The following PCDHA2 variants were observed in gnomAD, a reference collection of about 807,000 sequenced individuals.
PCDHA2 encodes the protein protocadherin alpha 2.
In PCDHA2, 58 loss-of-function variants were observed where a neutral mutation model predicts 66.0. The observed-to-expected ratio is 0.88, with a 90% CI of 0.71 to 1.09. The LOEUF (loss-of-function observed/expected upper bound fraction) is 1.09. PCDHA2 is among the 50% of genes least tolerant of loss of function. The pLI, the probability that PCDHA2 is intolerant of heterozygous loss-of-function variation, is 0.00. For missense variants in PCDHA2, 1,267 were observed against 1,242.3 expected, an observed-to-expected ratio of 1.02 and a Z score of -0.30; for synonymous variants, 634 against 554.0, an observed-to-expected ratio of 1.14 and a Z score of -2.03.
rs183230708 is a variant in PCDHA2, at chr5:140,914,004, A to G, written c.2389-64945A>G. Among the ~76,000 whole-genome samples, 112 of 152,288 alleles carry G rather than the reference A, an allele frequency of 7.4e-4. 1 individual carries two copies. Among genetic ancestry groups the G allele is most frequent in the Middle Eastern group, 6.8e-3 (2 of 294 alleles). On this transcript the variant is annotated intron_variant, in intron 1 of 3. Coordinates refer to ENST00000526136, the MANE Select transcript of PCDHA2 (RefSeq NM_018905.3). ...TTGTATTGTGACTAGCATATGGTCT[A>G]TCTTTGAGAATGATCCACGTGCTGA...
intron 1 of PCDHA2, chr5:140,966,281 G>C (rs1261464121): frequency 8.2e-5 from 30 of 366,710 alleles, no homozygotes; most frequent in Non-Finnish European, 1.3e-4. Flanking sequence ...TGGACAGTGG[G>C]GGTAGGGAGA....
At chr5:140,837,494 T>C (rs2150275990) in intron 1 of PCDHA2, among the ~76,000 whole-genome samples, 2,176 of 141,154 alleles carry the variant, frequency 0.015, 60 homozygotes, top group African/African-American at 0.056. Flanking sequence ...ACTTTACCTT[T>C]CTGAATTTCT....
Position 140,797,236 on chromosome 5 carries a change from G to C in PCDHA2, c.2272G>C (p.Val758Leu). The change falls in exon 1 of 4, where the codon GTG becomes CTG. Residue 758 changes from valine (V) to leucine (L), a missense_variant. Transcript: ENST00000526136. ...TTACTCGCAGCAGAGGCGGCAGAGG[G>C]TGTGCTCTGGGGAGGACCCCCCCAA... ...WSYSQQRRQR[V>L]CSGEDPPKTD... is the part of the protein sequence containing the mutation. 1 of 1,614,194 alleles carries C rather than the reference G, an allele frequency of 6.2e-7. No homozygotes were observed. The highest frequency in any genetic ancestry group is 8.5e-7 in the Non-Finnish European group (1 of 1,180,054).
At chr5:140,836,535 T>C (rs2150263194) in intron 1 of PCDHA2, 26 of 1,613,710 alleles carry the variant, frequency 1.6e-5, no homozygotes, top group Non-Finnish European at 2.0e-5. Context: ...CCTGCTGCTG[T>C]ACACGGCGTT....
rs782163731 is a variant in PCDHA2, at chr5:140,869,573, C to A, written c.2388+72221C>A. 8 of 1,614,154 alleles carry A rather than the reference C, an allele frequency of 5.0e-6. No homozygotes were observed. In the East Asian group the frequency reaches 1.8e-4, roughly 36 times the overall value. ...GACTCGCGTTTTCCACTAGAGGGAG[C>A]TTCTGATGCTGACATTGAAGAGAAT... On this transcript the variant is annotated intron_variant, in intron 1 of 3. Coordinates refer to ENST00000526136, the MANE Select transcript of PCDHA2 (RefSeq NM_018905.3).
chr5:140,888,640 A>G (rs2153424746), intron 1 of PCDHA2, among the ~76,000 whole-genome samples: 1 of 152,282 alleles, frequency 6.6e-6, no homozygotes, highest in East Asian at 1.9e-4. Context: ...TTACAGCAAT[A>G]CTTTCCTGAG....
intron 1 of PCDHA2, chr5:140,865,984 C>CT (rs1421738889): frequency 1.3e-5 from 2 of 152,088 alleles, no homozygotes; most frequent in Non-Finnish European, 2.9e-5. Context: ...TGAGATGGCA[C>CT]TAAGTTTTTT....
intron 1 of PCDHA2, chr5:140,807,982 C>A (rs1226145828): frequency 6.2e-7 from 1 of 1,613,314 alleles, no homozygotes; most frequent in Non-Finnish European, 8.5e-7. Context: ...TTAAACTTAA[C>A]GCCTCAGATT....
At chr5:140,976,794 A>T (rs1199342082) in intron 1 of PCDHA2, among the ~76,000 whole-genome samples, 1 of 152,230 alleles carries the variant, frequency 6.6e-6, no homozygotes, top group East Asian at 1.9e-4. Context: ...CTACGCTTTT[A>T]TGAATATCTG....
Position 140,920,446 on chromosome 5 carries a change from A to G in PCDHA2, c.2389-58503A>G, listed in dbSNP as rs2079636964. 2.6e-5 allele frequency among the ~76,000 whole-genome samples: 4 copies of G among 152,114 alleles called. No homozygotes were observed. In the South Asian group the frequency reaches 8.3e-4, roughly 31 times the overall value. On this transcript the variant is annotated intron_variant, in intron 1 of 3. Coordinates refer to ENST00000526136, the MANE Select transcript of PCDHA2 (RefSeq NM_018905.3). ...CTCCCACACACCTCTTTTATACTGT[A>G]ATTGACAAATTTGTTATATTTCTGT...
intron 1 of PCDHA2, among the ~76,000 whole-genome samples, chr5:140,935,416 A>G (rs35902736): frequency 0.059 from 8,919 of 152,326 alleles, 374 homozygotes; most frequent in Non-Finnish European, 0.083. Context: ...ATGGACTTAG[A>G]AAACAATTTC....
intron 1 of PCDHA2, among the ~76,000 whole-genome samples, chr5:140,893,814 T>C (rs1254433414): frequency 6.6e-6 from 1 of 152,204 alleles, no homozygotes; most frequent in Non-Finnish European, 1.5e-5. Flanking sequence ...TTGAGTCTGG[T>C]ACCGTAGACT....
intron 1 of PCDHA2, among the ~76,000 whole-genome samples, chr5:140,931,490 C>T (rs1209591038): frequency 6.6e-6 from 1 of 151,888 alleles, no homozygotes; most frequent in Non-Finnish European, 1.5e-5. Flanking sequence ...ACCCTTCAAA[C>T]CAAATTTTTA....
intron 1 of PCDHA2, among the ~76,000 whole-genome samples, chr5:140,938,703 T>A: frequency 6.6e-6 from 1 of 152,170 alleles, no homozygotes; most frequent in East Asian, 1.9e-4. Flanking sequence ...AAATATATGT[T>A]TATGATAGAA....
chr5:140,830,363 GT>G, intron 1 of PCDHA2: 1 of 1,614,138 alleles, frequency 6.2e-7, no homozygotes, highest in Non-Finnish European at 8.5e-7. Context: ...GCGGCAGAGG[GT>G]GTGCTCCGGG....
chr5:140,918,282 C>G (rs2078612020), intron 1 of PCDHA2, among the ~76,000 whole-genome samples: 1 of 152,016 alleles, frequency 6.6e-6, no homozygotes, highest in Non-Finnish European at 1.5e-5. Flanking sequence ...GATGTAGGAG[C>G]TTTTTGGCAG....
rs34213614 is a variant in PCDHA2 at position 140,896,536 on chromosome 5, C to CTT, written c.2389-82402_2389-82401dup. ...CACACCACAAAGCCCAGCTATTTTT[C>CTT]TTTTTTTTTTTTGTATTTTAAGTAG... On this transcript the variant is annotated intron_variant, in intron 1 of 3. Coordinates refer to ENST00000526136, the MANE Select transcript of PCDHA2 (RefSeq NM_018905.3). 2.9e-3 allele frequency among the ~76,000 whole-genome samples: 427 copies of CTT among 145,644 alleles called. 4 individuals are homozygous for CTT. Among genetic ancestry groups the CTT allele is most frequent in the African/African-American group, 7.7e-3 (305 of 39,602 alleles).
chr5:140,967,084 T>G (rs782593106), intron 1 of PCDHA2: 1 of 1,613,270 alleles, frequency 6.2e-7, no homozygotes, highest in Admixed American at 1.7e-5. Context: ...AGCGCATTGA[T>G]CGGGAGGCGC....
chr5:141,010,470 G>A lies in PCDHA2; in HGVS notation c.*533G>A. ...ACAGCGGAAGTTATCAGTATGGAGG[G>A]GAAGTGTAAACTTAAAGGGACCAGA... On this transcript the variant is annotated 3_prime_UTR_variant, in exon 4 of 4. Transcript: ENST00000526136. The A allele has an allele frequency of 2.6e-6, 2 of 780,290 alleles. No homozygotes were observed. The highest frequency in any genetic ancestry group is 3.0e-5 in the East Asian group (1 of 33,872). 48.3% of individuals were successfully genotyped at this position (780,290 alleles called of 1,614,324 possible).
Sources: gnomAD v4.1 joint callset for allele counts (sites outside exome capture counted in the v4.1 genomes callset) on GRCh38, gnomAD v4.1.1 for gene constraint, MANE v1.5 for transcripts, NCBI Gene and HGNC (gene_info 2026-07-23, HGNC 2026-07-21) for gene names.